Variants in FIRRM observed in about 807,000 individuals in gnomAD.
FIRRM encodes the protein FIGNL1 interacting regulator of recombination and mitosis.
the FIRRM span, chr1:169,827,745 T>C: frequency 5.0e-6 from 8 of 1,614,138 alleles, no homozygotes; most frequent in African/African-American, 6.7e-5. Context: ...CACAATGTCT[T>C]CTTCTGGTTG....
the FIRRM span, among the ~76,000 whole-genome samples, chr1:169,802,383 C>G: frequency 7.1e-4 from 108 of 152,192 alleles, no homozygotes; most frequent in African/African-American, 2.5e-3. Flanking sequence ...TAAATAGATT[C>G]AAACCATAGA....
At chr1:169,793,077 T>A in the FIRRM span, 8 of 1,614,048 alleles carry the variant, frequency 5.0e-6, no homozygotes, top group African/African-American at 1.1e-4. Flanking sequence ...GACCCTCCCT[T>A]GAATGCAGTT....
At chr1:169,809,686 T>C in the FIRRM span, among the ~76,000 whole-genome samples, 1 of 152,216 alleles carries the variant, frequency 6.6e-6, no homozygotes, top group Non-Finnish European at 1.5e-5. Flanking sequence ...AAAATTCTCA[T>C]TTTTTCAAAT....
the FIRRM span, chr1:169,794,876 A>G: frequency 3.7e-6 from 2 of 540,286 alleles, no homozygotes; most frequent in Admixed American, 3.1e-5. Flanking sequence ...TCACCTCACA[A>G]CGCCTCCTCC....
the FIRRM span, among the ~76,000 whole-genome samples, chr1:169,791,564 T>C: frequency 1.3e-5 from 2 of 152,204 alleles, no homozygotes; most frequent in Non-Finnish European, 2.9e-5. Context: ...TCTTGAAGTC[T>C]TATAGGGCAG....
chr1:169,795,291 A>G, the FIRRM span: 3 of 1,464,618 alleles, frequency 2.0e-6, no homozygotes, highest in Non-Finnish European at 1.8e-6. Context: ...GTCCCTTCAG[A>G]CCCACCGCCA....
At chr1:169,790,240 C>T in the FIRRM span, among the ~76,000 whole-genome samples, 10 of 151,974 alleles carry the variant, frequency 6.6e-5, no homozygotes, top group African/African-American at 7.3e-5. Context: ...GGCAATGGCG[C>T]GATCTCGGCT....
chr1:169,807,729 G>A, the FIRRM span: 2 of 1,404,668 alleles, frequency 1.4e-6, no homozygotes, highest in South Asian at 1.5e-5. Context: ...TATTGTTAGA[G>A]GTCCTAAGTT....
At chr1:169,821,776 C>T in the FIRRM span, 122 of 1,506,170 alleles carry the variant, frequency 8.1e-5, no homozygotes, top group Non-Finnish European at 1.1e-4. Context: ...CTTTATTATA[C>T]GTTACTTTAT....
At chr1:169,803,114 C>G in the FIRRM span, 13 of 1,546,988 alleles carry the variant, frequency 8.4e-6, no homozygotes, top group Non-Finnish European at 1.1e-5. Context: ...CTGACTAATA[C>G]CTTTTCAGTG....
chr1:169,803,300 G>T, the FIRRM span: 1 of 1,613,618 alleles, frequency 6.2e-7, no homozygotes, highest in Non-Finnish European at 8.5e-7. Flanking sequence ...GCACATTTGT[G>T]CATTGTAAGG....
chr1:169,848,331 T>A, the FIRRM span, among the ~76,000 whole-genome samples: 1 of 152,182 alleles, frequency 6.6e-6, no homozygotes, highest in East Asian at 1.9e-4. Context: ...GTACATAATT[T>A]AAAGAACTTA....
At chr1:169,835,852 G>A in the FIRRM span, among the ~76,000 whole-genome samples, 1 of 152,164 alleles carries the variant, frequency 6.6e-6, no homozygotes, top group Non-Finnish European at 1.5e-5. Flanking sequence ...CTTTCCTGAT[G>A]TAGTTTGGTT....
chr1:169,854,033 T>C, the FIRRM span: 1 of 555,716 alleles, frequency 1.8e-6, no homozygotes, highest in Non-Finnish European at 3.1e-6. Flanking sequence ...TTTTAATCCC[T>C]TTTTTTTCTT....
the FIRRM span, among the ~76,000 whole-genome samples, chr1:169,815,507 G>A: frequency 6.6e-6 from 1 of 152,088 alleles, no homozygotes; most frequent in Non-Finnish European, 1.5e-5. Context: ...GTTGTTGCCA[G>A]GGTATTTGTA....
At chr1:169,842,667 A>G in the FIRRM span, 9 of 1,020,392 alleles carry the variant, frequency 8.8e-6, no homozygotes, top group Non-Finnish European at 1.3e-5. Flanking sequence ...AGACCTTTAT[A>G]AGAACTTAAA....
At chr1:169,817,117 AAAGT>A in the FIRRM span, among the ~76,000 whole-genome samples, 1 of 152,134 alleles carries the variant, frequency 6.6e-6, no homozygotes, top group South Asian at 2.1e-4. Flanking sequence ...TTTTAAACAA[AAAGT>A]AAAAAAAAAA....
chr1:169,836,475 C>A, the FIRRM span, among the ~76,000 whole-genome samples: 1 of 152,256 alleles, frequency 6.6e-6, no homozygotes, highest in East Asian at 1.9e-4. Context: ...CATTTGAAAG[C>A]TGAATCTTTG....
chr1:169,814,604 A>G, the FIRRM span, among the ~76,000 whole-genome samples: 10,074 of 152,294 alleles, frequency 0.066, 427 homozygotes, highest in Non-Finnish European at 0.099. Flanking sequence ...ATGGAAACCC[A>G]TAAGAAGTGC....
Sources: gnomAD v4.1 joint callset for allele counts (sites outside exome capture counted in the v4.1 genomes callset) on GRCh38, gnomAD v4.1.1 for gene constraint, MANE v1.5 for transcripts, NCBI Gene and HGNC (gene_info 2026-07-23, HGNC 2026-07-21) for gene names.